EXT1: variants seen among roughly 807,000 people sequenced by gnomAD.
The protein encoded by EXT1 is exostosin glycosyltransferase 1.
A neutral mutation model predicts 82.5 loss-of-function variants in EXT1; 20 were observed. The ratio of observed to expected loss-of-function variants is 0.24; its 90% CI spans 0.17 to 0.35. The LOEUF is 0.35. Among genes scored for constraint, EXT1 ranks in the 10% least tolerant of loss-of-function variants. The pLI is 1.00. For synonymous variants in EXT1, 348 were observed against 350.8 expected, an observed-to-expected ratio of 0.99 and a Z score of 0.09; for missense variants, 757 against 936.5, an observed-to-expected ratio of 0.81 and a Z score of 2.50.
At position 117,799,604 on chromosome 8, in the gene EXT1, G is replaced by T. The variant is rs1175554836; in HGVS notation, c.*108C>A. ...GTCATTCTGCTCATCTAAGTTTTTG[G>T]ATAGTTGGCACAATCTGGCTCTGCT... On this transcript the variant is annotated 3_prime_UTR_variant, in exon 11 of 11. Transcript: ENST00000378204. 4 of 1,305,188 alleles carry T rather than the reference G, an allele frequency of 3.1e-6. No homozygotes were observed. Among genetic ancestry groups the T allele is most frequent in the Non-Finnish European group, 4.4e-6 (4 of 912,484 alleles). 80.9% of individuals were successfully genotyped at this position (1,305,188 alleles called of 1,614,324 possible).
rs1386611492 is a variant in EXT1, at chr8:117,898,587, C to A, written c.963-61386G>T. On this transcript the variant is annotated intron_variant, in intron 1 of 10. Transcript: ENST00000378204. Reference sequence around the variant, plus strand: ...ATTCGAACTTATTTTCCCACTGTTACTTTTCTAGGTTTGGTAAAATGTGTG... The same window carrying A: ...ATTCGAACTTATTTTCCCACTGTTAATTTTCTAGGTTTGGTAAAATGTGTG... Among the ~76,000 whole-genome samples the A allele has an allele frequency of 2.0e-5, 3 of 152,144 alleles. No homozygotes were observed. In the East Asian group the frequency reaches 5.8e-4, roughly 29 times the overall value.
At chr8:118,049,930 G>A (rs558532516) in intron 1 of EXT1, among the ~76,000 whole-genome samples, 1 of 152,274 alleles carries the variant, frequency 6.6e-6, no homozygotes, top group East Asian at 1.9e-4. Context: ...CCCTCCAGCA[G>A]AAGTCACTGC....
chr8:117,843,472 G>A (rs147354026), intron 1 of EXT1, among the ~76,000 whole-genome samples: 4 of 152,308 alleles, frequency 2.6e-5, no homozygotes, highest in Middle Eastern at 3.4e-3. Context: ...ACCAGGCACA[G>A]GGGTAAGAGG....
At chr8:117,828,104 T>C (rs1345590897) in intron 4 of EXT1, among the ~76,000 whole-genome samples, 2 of 152,274 alleles carry the variant, frequency 1.3e-5, no homozygotes, top group East Asian at 3.9e-4. Flanking sequence ...AATGCAAGTA[T>C]ATAAAGACTC....
chr8:118,081,156 T>C (rs940432423), intron 1 of EXT1, among the ~76,000 whole-genome samples: 2 of 152,142 alleles, frequency 1.3e-5, no homozygotes, highest in Non-Finnish European at 2.9e-5. Context: ...CTTAGACAAT[T>C]AAATGACACG....
At chr8:117,875,971 G>A (rs1812962543) in intron 1 of EXT1, among the ~76,000 whole-genome samples, 1 of 152,210 alleles carries the variant, frequency 6.6e-6, no homozygotes, top group African/African-American at 2.4e-5. Flanking sequence ...AAGCTGAACT[G>A]AAGCTTTCCT....
At chr8:118,051,073 C>G (rs936782993) in intron 1 of EXT1, among the ~76,000 whole-genome samples, 1 of 152,142 alleles carries the variant, frequency 6.6e-6, no homozygotes, top group Admixed American at 6.5e-5. Context: ...TAGTGGCTCA[C>G]GTCTATAATC....
In EXT1 at chr8:117,799,279, A is replaced by G. The variant is rs111348774; in HGVS notation, c.*433T>C. ...TTTTCCACGAAGTTTGAGCTTTTGA[A>G]ACTGCAGGGCACCCTACATGGCCAT... On this transcript the variant is annotated 3_prime_UTR_variant, in exon 11 of 11. Transcript: ENST00000378204. The G allele has an allele frequency of 0.042, 8,236 of 194,200 alleles. 685 individuals carry two copies. Among genetic ancestry groups the G allele is most frequent in the African/African-American group, 0.18 (7,588 of 42,558 alleles). 12.0% of individuals were successfully genotyped at this position (194,200 alleles called of 1,614,324 possible).
intron 1 of EXT1, among the ~76,000 whole-genome samples, chr8:117,879,116 A>G (rs1409086038): frequency 1.3e-5 from 2 of 152,250 alleles, no homozygotes; most frequent in Non-Finnish European, 2.9e-5. Flanking sequence ...AGAATATATC[A>G]TCCTACAGGC....
At chr8:118,037,836 G>GTTTTTTTTTTTTTT (rs58862041) in intron 1 of EXT1, among the ~76,000 whole-genome samples, 2 of 107,436 alleles carry the variant, frequency 1.9e-5, no homozygotes, top group African/African-American at 4.2e-5. Flanking sequence ...AGTGTTTTTT[G>GTTTTTTTTTTTTTT]TTTTTTTTTT....
At chr8:117,962,549 C>T (rs17431020) in intron 1 of EXT1, among the ~76,000 whole-genome samples, 18,604 of 152,060 alleles carry the variant, frequency 0.12, 1,394 homozygotes, top group South Asian at 0.18. Context: ...GTCAGGAGTT[C>T]GAGACCAGCC....
chr8:117,854,696 TTACA>T (rs1563580599), intron 1 of EXT1, among the ~76,000 whole-genome samples: 1 of 152,222 alleles, frequency 6.6e-6, no homozygotes, highest in Non-Finnish European at 1.5e-5. Flanking sequence ...ACTATGCTAA[TTACA>T]TACAGTATTG....
At chr8:117,923,263 G>A (rs990172020) in intron 1 of EXT1, among the ~76,000 whole-genome samples, 1 of 152,148 alleles carries the variant, frequency 6.6e-6, no homozygotes, top group Admixed American at 6.5e-5. Context: ...GGAGGTTGCA[G>A]TGAGCTGAGA....
At chr8:117,876,613 T>G (rs1427028489) in intron 1 of EXT1, among the ~76,000 whole-genome samples, 1 of 152,106 alleles carries the variant, frequency 6.6e-6, no homozygotes, top group Non-Finnish European at 1.5e-5. Context: ...ATAAAATAAA[T>G]AACAATAATA....
At chr8:118,058,299 G>A (rs1388659733) in intron 1 of EXT1, among the ~76,000 whole-genome samples, 1 of 152,160 alleles carries the variant, frequency 6.6e-6, no homozygotes, top group Non-Finnish European at 1.5e-5. Context: ...CCAGCAAGAA[G>A]TAGAAGTAGC....
At chr8:118,010,371 CAAA>C (rs56865464) in intron 1 of EXT1, among the ~76,000 whole-genome samples, 3 of 55,994 alleles carry the variant, frequency 5.4e-5, no homozygotes, top group Non-Finnish European at 4.0e-5. Context: ...GACTCCGTCT[CAAA>C]AAAAAAAAAA....
chr8:117,853,644 G>A (rs1157796831), intron 1 of EXT1, among the ~76,000 whole-genome samples: 2 of 152,166 alleles, frequency 1.3e-5, no homozygotes, highest in Non-Finnish European at 2.9e-5. Context: ...GATACTTCAA[G>A]TTGTTCTAGT....
intron 1 of EXT1, among the ~76,000 whole-genome samples, chr8:117,867,273 A>AAAAAAAAAAAAAAAAT (rs1812791068): frequency 6.6e-6 from 1 of 150,800 alleles, no homozygotes; most frequent in African/African-American, 2.4e-5. Context: ...AAAAAAAAAA[A>AAAAAAAAAAAAAAAAT]GCTTGAGGAA....
chr8:117,971,880 G>A (rs1174762688), intron 1 of EXT1, among the ~76,000 whole-genome samples: 1 of 152,232 alleles, frequency 6.6e-6, no homozygotes, highest in Non-Finnish European at 1.5e-5. Context: ...ACCGGGTGCG[G>A]TGGCTCACGC....
Sources: allele counts gnomAD v4.1 joint callset (sites outside exome capture counted in the v4.1 genomes callset), GRCh38; gene constraint gnomAD v4.1.1; transcripts MANE v1.5; gene names NCBI Gene and HGNC (gene_info 2026-07-23, HGNC 2026-07-21).